SLC8A1: variants seen among roughly 807,000 people sequenced by gnomAD.
SLC8A1 encodes the protein solute carrier family 8 member A1.
SLC8A1 carries 18 observed loss-of-function variants against 68.3 expected under a neutral mutation model. The observed-to-expected ratio is 0.26, with a 90% confidence interval of 0.18 to 0.39. The LOEUF is 0.39. Among genes scored for constraint, SLC8A1 ranks in the 10% least tolerant of loss-of-function variants. The probability of loss-of-function intolerance (pLI) is 1.00; values close to 1 mark genes in which losing one functional copy is unlikely to be tolerated. For synonymous variants in SLC8A1, 475 were observed against 415.5 expected (o/e 1.14, Z -1.74); for missense variants, 985 against 1,156.7 (o/e 0.85, Z 2.15).
chr2:40,130,214 C>A (rs531202620), intron 7 of SLC8A1, among the ~76,000 whole-genome samples: 1 of 152,200 alleles, frequency 6.6e-6, no homozygotes, highest in African/African-American at 2.4e-5. Context: ...ATCTTTGGGT[C>A]GGCTGCATGC....
intron 7 of SLC8A1, among the ~76,000 whole-genome samples, chr2:40,139,035 A>G (rs546877391): frequency 1.1e-4 from 16 of 152,328 alleles, no homozygotes; most frequent in Non-Finnish European, 1.8e-4. Context: ...CCAAGTATAT[A>G]AAAGACAGAA....
At chr2:40,474,766 G>C (rs1471232741) in intron 1 of SLC8A1, among the ~76,000 whole-genome samples, 1 of 152,170 alleles carries the variant, frequency 6.6e-6, no homozygotes, top group Admixed American at 6.5e-5. Context: ...CAGGCAGTTT[G>C]GTTTGGGAGC....
At chr2:40,246,230 A>C (rs1264253669) in intron 2 of SLC8A1, among the ~76,000 whole-genome samples, 1 of 152,216 alleles carries the variant, frequency 6.6e-6, no homozygotes, top group African/African-American at 2.4e-5. Flanking sequence ...CACTACAAGC[A>C]TGTGGTACAC....
At chr2:40,213,998 C>T (rs1029574640) in intron 2 of SLC8A1, among the ~76,000 whole-genome samples, 1 of 152,130 alleles carries the variant, frequency 6.6e-6, no homozygotes, top group African/African-American at 2.4e-5. Flanking sequence ...CACAGATATT[C>T]AGAAATCCTC....
intron 2 of SLC8A1, among the ~76,000 whole-genome samples, chr2:40,275,218 T>A (rs1488452107): frequency 6.6e-6 from 1 of 152,188 alleles, no homozygotes; most frequent in African/African-American, 2.4e-5. Flanking sequence ...GAGTAATCTG[T>A]ATATACCTTT....
chr2:40,212,060 G>A (rs1005142272), intron 2 of SLC8A1, among the ~76,000 whole-genome samples: 1 of 152,018 alleles, frequency 6.6e-6, no homozygotes, highest in Non-Finnish European at 1.5e-5. Context: ...CCAATGCACT[G>A]TATTTGTCTT....
chr2:40,434,974 T>C (rs1699105541), intron 1 of SLC8A1, among the ~76,000 whole-genome samples: 1 of 152,080 alleles, frequency 6.6e-6, no homozygotes, highest in Non-Finnish European at 1.5e-5. Flanking sequence ...TGAAGAGTGG[T>C]TGGCAGCACG....
At position 40,191,594 on chromosome 2, in the gene SLC8A1, G is replaced by A. The variant is rs139817205; in HGVS notation, c.1809-13739C>T. 8.6e-4 allele frequency among the ~76,000 whole-genome samples: 131 copies of A among 152,244 alleles called. 1 individual carries two copies. The highest frequency in any genetic ancestry group is 3.0e-3 in the African/African-American group (125 of 41,558). Reference sequence around the variant, plus strand: ...CCCAGCTAGACTTTATAGAACCAGAGCAGGTTTGCAAAATGCAAATAATGA... The same window carrying A: ...CCCAGCTAGACTTTATAGAACCAGAACAGGTTTGCAAAATGCAAATAATGA... On this transcript the variant is annotated intron_variant, in intron 2 of 7. Coordinates refer to ENST00000406785, the Ensembl canonical transcript of SLC8A1.
intron 2 of SLC8A1, among the ~76,000 whole-genome samples, chr2:40,346,930 C>T (rs998494343): frequency 2.0e-5 from 3 of 152,146 alleles, no homozygotes; most frequent in African/African-American, 7.2e-5. Context: ...AGCCCACACA[C>T]AAGCAGGTTA....
chr2:40,215,500 G>A (rs1017169562), intron 2 of SLC8A1, among the ~76,000 whole-genome samples: 11 of 151,808 alleles, frequency 7.2e-5, no homozygotes, highest in South Asian at 2.1e-4. Context: ...AGCCGGGCAC[G>A]GTGGCGGGCG....
At chr2:40,469,547 T>TA (rs1230492694) in intron 1 of SLC8A1, among the ~76,000 whole-genome samples, 2 of 152,178 alleles carry the variant, frequency 1.3e-5, no homozygotes, top group Non-Finnish European at 2.9e-5. Flanking sequence ...GAAAACAGAA[T>TA]AATACACAAA....
chr2:40,190,033 G>C (rs1573809662), intron 2 of SLC8A1: 1 of 152,272 alleles, frequency 6.6e-6, no homozygotes, highest in East Asian at 1.9e-4. Flanking sequence ...TGCTGGAAAA[G>C]TTTTCAGGAT....
At position 40,124,997 on chromosome 2, in the gene SLC8A1, G is replaced by A. The variant is rs186805232; in HGVS notation, c.2438-9368C>T. 1.3e-3 allele frequency among the ~76,000 whole-genome samples: 192 copies of A among 152,342 alleles called. 1 individual carries two copies. The highest frequency in any genetic ancestry group is 4.4e-3 in the African/African-American group (181 of 41,582). On this transcript the variant is annotated intron_variant, in intron 7 of 7. Transcript: ENST00000406785. ...ATTTTAAAGGTGCAAATGGCTGAAT[G>A]TAGATGGTGGTGAGATGGCAGGATT...
rs1680967054 is a variant in SLC8A1, at chr2:40,379,363, G to C, written c.1808+49110C>G. 2.0e-5 allele frequency among the ~76,000 whole-genome samples: 3 copies of C among 152,142 alleles called. No individual in the cohort carries two copies. The South Asian group carries it at 6.2e-4, about 32-fold the overall frequency. On this transcript the variant is annotated intron_variant, in intron 2 of 7. Coordinates refer to ENST00000406785, the Ensembl canonical transcript of SLC8A1. Reference sequence around the variant, plus strand: ...AAGTTTTAGCTAATGTAGATGACTTGAATTCTTTTTTCTTCAATTTTTCAT... The same window carrying C: ...AAGTTTTAGCTAATGTAGATGACTTCAATTCTTTTTTCTTCAATTTTTCAT...
chr2:40,230,830 T>G (rs146555352), intron 2 of SLC8A1, among the ~76,000 whole-genome samples: 3 of 152,304 alleles, frequency 2.0e-5, no homozygotes, highest in African/African-American at 7.2e-5. Flanking sequence ...AACAGCCACT[T>G]TGTCATTTTT....
rs1705860525 is a variant in SLC8A1 at position 40,498,614 on chromosome 2, T to A, written c.-25+13735A>T. Among the ~76,000 whole-genome samples, 3 of 152,100 alleles carry A rather than the reference T, an allele frequency of 2.0e-5. No homozygotes were observed. In the South Asian group the frequency reaches 6.2e-4, roughly 31 times the overall value. ...GAAATATGGACTGAACAATACAATT[T>A]AATGTAATCCTTCCTAACAACTGTG... On this transcript the variant is annotated intron_variant, in intron 1 of 7. Transcript: ENST00000402441.
intron 2 of SLC8A1, among the ~76,000 whole-genome samples, chr2:40,286,838 T>C (rs1383406774): frequency 2.6e-5 from 4 of 152,238 alleles, no homozygotes; most frequent in African/African-American, 9.6e-5. Context: ...TCACATGTGC[T>C]TGATTGGTCT....
intron 7 of SLC8A1, among the ~76,000 whole-genome samples, chr2:40,120,291 T>C (rs1461957645): frequency 2.6e-5 from 4 of 152,200 alleles, no homozygotes; most frequent in African/African-American, 9.6e-5. Flanking sequence ...TTGGAGTCCA[T>C]CCTGGCTATG....
At chr2:40,499,095 C>T (rs1453536204) in intron 1 of SLC8A1, among the ~76,000 whole-genome samples, 1 of 152,016 alleles carries the variant, frequency 6.6e-6, no homozygotes, top group Non-Finnish European at 1.5e-5. Flanking sequence ...AATTGTTGAT[C>T]TGTGGAGACT....
Sources: gnomAD v4.1 joint callset for allele counts (sites outside exome capture counted in the v4.1 genomes callset) on GRCh38, gnomAD v4.1.1 for gene constraint, MANE v1.5 for transcripts, NCBI Gene and HGNC (gene_info 2026-07-23, HGNC 2026-07-21) for gene names.